The following MINDY2 variants were observed in gnomAD, a reference collection of about 807,000 sequenced individuals.
MINDY2 encodes the protein MINDY lysine 48 deubiquitinase 2.
MINDY2 carries 52 observed loss-of-function variants against 68.2 expected under a neutral mutation model. The observed-to-expected ratio is 0.76, with a 90% CI of 0.61 to 0.96. MINDY2 has a LOEUF of 0.96. Among genes scored for constraint, MINDY2 ranks in the 40% least tolerant of loss-of-function variants. The probability of loss-of-function intolerance (pLI) is 0.00; values close to 1 mark genes in which losing one functional copy is unlikely to be tolerated. For synonymous variants in MINDY2, 372 were observed against 303.0 expected (o/e 1.23, Z -2.36); for missense variants, 881 against 773.4 (o/e 1.14, Z -1.65).
chr15:58,779,607 A>T (rs1901004010), intron 1 of MINDY2, among the ~76,000 whole-genome samples: 1 of 152,232 alleles, frequency 6.6e-6, no homozygotes, highest in Admixed American at 6.5e-5. Context: ...GCCTCTGCCC[A>T]CCTTGTTTTT....
intron 1 of MINDY2, among the ~76,000 whole-genome samples, chr15:58,787,257 G>C (rs900574406): frequency 6.8e-6 from 1 of 146,958 alleles, no homozygotes; most frequent in African/African-American, 2.5e-5. Flanking sequence ...GCCTCCCAAA[G>C]TGTTGGGATT....
chr15:58,816,167 G>T (rs1443803195), intron 4 of MINDY2, among the ~76,000 whole-genome samples: 1 of 152,188 alleles, frequency 6.6e-6, no homozygotes, highest in East Asian at 1.9e-4. Context: ...CAAGGACTTG[G>T]CAGTGCTTTT....
Position 58,802,349 on chromosome 15 carries a change from C to T in MINDY2, c.935C>T (p.Ser312Leu). 1.3e-6 allele frequency: 2 copies of T among 1,582,598 alleles called. No homozygotes were observed. Among genetic ancestry groups the T allele is most frequent in the Non-Finnish European group, 1.7e-6 (2 of 1,165,878 alleles). Residue 312 changes from serine (S) to leucine (L), a missense_variant, in exon 3 of 9, where the codon TCA becomes TTA. Coordinates refer to ENST00000559228, the MANE Select transcript of MINDY2 (RefSeq NM_001040450.3). ...YMLDAKPKEI[S>L]EIQRLNYEQN... is the part of the protein sequence containing the mutation. ...CTTGATGCAAAGCCAAAAGAAATTT[C>T]AGAAATTCAACGTTTAAATTATGAA...
At chr15:58,802,171 T>C (rs1902706502) in intron 2 of MINDY2, 142 bp from the exon 3 acceptor site, 1 of 614,456 alleles carries the variant, frequency 1.6e-6, no homozygotes, top group Non-Finnish European at 2.9e-6. Flanking sequence ...ATTGATTTTC[T>C]CTGGGTAGGA....
At chr15:58,836,237 C>CTT (rs778968248) in intron 6 of MINDY2, among the ~76,000 whole-genome samples, 13 of 140,370 alleles carry the variant, frequency 9.3e-5, no homozygotes, top group East Asian at 2.1e-4. Context: ...AACTATAATT[C>CTT]TTTTTTTTTT....
intron 1 of MINDY2, among the ~76,000 whole-genome samples, chr15:58,782,362 G>GC (rs1901201889): frequency 6.6e-6 from 1 of 152,074 alleles, no homozygotes; most frequent in Non-Finnish European, 1.5e-5. Flanking sequence ...CATAAGTAAT[G>GC]CAAAAATAGA....
rs1433093284 is a variant in MINDY2, at chr15:58,859,687, T to C, written c.*5077T>C. The C allele has an allele frequency of 6.6e-6, 1 of 152,170 alleles. No individual in the cohort carries two copies. The highest frequency in any genetic ancestry group is 1.9e-4 in the East Asian group (1 of 5,204). The allele number at this position is 152,170 out of a possible 1,614,324, so 9.4% of individuals were successfully genotyped here. On this transcript the variant is annotated 3_prime_UTR_variant, in exon 9 of 9. Transcript: ENST00000559228. ...ATGGGAGAGGCCAGATGCAGGACTC[T>C]GGTAAATTTAACTTACTTTGAATAT...
chr15:58,831,639 C>A, intron 5 of MINDY2, 135 bp from the exon 6 acceptor site: 1 of 656,060 alleles, frequency 1.5e-6, no homozygotes, highest in Non-Finnish European at 2.4e-6. Flanking sequence ...CAGTTTGGAG[C>A]CATCATAAAG....
At chr15:58,839,281 T>A (rs1365953264) in intron 6 of MINDY2, among the ~76,000 whole-genome samples, 1 of 152,072 alleles carries the variant, frequency 6.6e-6, no homozygotes, top group Non-Finnish European at 1.5e-5. Context: ...CTAGATATTG[T>A]ATAGAAGCAG....
At chr15:58,789,670 A>T (rs1453439153) in intron 2 of MINDY2, among the ~76,000 whole-genome samples, 1 of 151,584 alleles carries the variant, frequency 6.6e-6, no homozygotes, top group African/African-American at 2.4e-5. Flanking sequence ...TTTTTGAGAC[A>T]GAGTTTCACT....
chr15:58,818,622 A>G lies in MINDY2; in HGVS notation c.1123-3095A>G, dbSNP rs1042942795. Among the ~76,000 whole-genome samples the G allele has an allele frequency of 2.6e-5, 4 of 151,252 alleles. No individual in the cohort carries two copies. In the East Asian group the frequency reaches 7.7e-4, roughly 29 times the overall value. ...TGACATCTTTTTTTATTGGTACTCT[A>G]GAGAAATAGATTTGATTTTTGTATA... On this transcript the variant is annotated intron_variant, in intron 4 of 8. Transcript: ENST00000559228.
intron 4 of MINDY2, among the ~76,000 whole-genome samples, chr15:58,816,080 A>G (rs1275329310): frequency 6.6e-6 from 1 of 152,256 alleles, no homozygotes; most frequent in East Asian, 1.9e-4. Flanking sequence ...TGCCTGGCAC[A>G]TAAGTAAATA....
chr15:58,825,506 A>G (rs1370443947), intron 5 of MINDY2, among the ~76,000 whole-genome samples: 1 of 152,208 alleles, frequency 6.6e-6, no homozygotes, highest in East Asian at 1.9e-4. Context: ...AAAGCGCAGT[A>G]CCAGCAGCCA....
chr15:58,831,844 T>G lies in MINDY2; in HGVS notation c.1296T>G (p.Thr432=), dbSNP rs751525843. ...QLTYHGLCEL[T]STVQEGELCV... ...CATACCATGGATTATGTGAACTAAC[T>G]TCAACGGTTCAGGAAGGAGAACTTT... The change falls in exon 6 of 9, where the codon ACT becomes ACG. Residue 432 remains threonine (T), a synonymous_variant. Coordinates refer to ENST00000559228, the MANE Select transcript of MINDY2 (RefSeq NM_001040450.3). 11 of 1,613,700 alleles carry G rather than the reference T, an allele frequency of 6.8e-6. No individual in the cohort carries two copies. Among genetic ancestry groups the G allele is most frequent in the Non-Finnish European group, 9.3e-6 (11 of 1,179,844 alleles).
chr15:58,814,154 G>C (rs1181857252), intron 4 of MINDY2, among the ~76,000 whole-genome samples: 2 of 151,872 alleles, frequency 1.3e-5, no homozygotes, highest in Non-Finnish European at 2.9e-5. Context: ...TAATCAGACT[G>C]GTCATGAACT....
intron 3 of MINDY2, among the ~76,000 whole-genome samples, chr15:58,807,532 T>G (rs1243419346): frequency 2.0e-5 from 3 of 152,004 alleles, no homozygotes; most frequent in African/African-American, 7.2e-5. Context: ...GCTAAAAGTT[T>G]TTTGTATTTT....
chr15:58,773,616 A>G (rs1177203291), intron 1 of MINDY2, among the ~76,000 whole-genome samples: 1 of 152,194 alleles, frequency 6.6e-6, no homozygotes, highest in Non-Finnish European at 1.5e-5. Context: ...TTGATATTCA[A>G]AAAGGGGACA....
At chr15:58,779,960 T>C (rs1901027300) in intron 1 of MINDY2, among the ~76,000 whole-genome samples, 2 of 152,202 alleles carry the variant, frequency 1.3e-5, no homozygotes, top group South Asian at 2.1e-4. Context: ...CTAGCAATCA[T>C]AGGGGCTTTG....
At chr15:58,788,667 C>A (rs548373305) in intron 2 of MINDY2, among the ~76,000 whole-genome samples, 1 of 152,194 alleles carries the variant, frequency 6.6e-6, no homozygotes, top group Admixed American at 6.5e-5. Flanking sequence ...TTTATACTAT[C>A]ACCAAATAGG....
Sources: gnomAD v4.1 joint callset for allele counts (sites outside exome capture counted in the v4.1 genomes callset) on GRCh38, gnomAD v4.1.1 for gene constraint, MANE v1.5 for transcripts, NCBI Gene and HGNC (gene_info 2026-07-23, HGNC 2026-07-21) for gene names.